The following MORC3 variants were observed in gnomAD, a reference collection of about 807,000 sequenced individuals.
MORC3 encodes the protein MORC family CW-type zinc finger 3, also known as MORC family CW-type zinc finger protein 3.
Under a neutral mutation model 109.1 loss-of-function variants are expected in MORC3, and 31 were observed. The observed-to-expected ratio is 0.28, with a 90% CI of 0.21 to 0.38. The LOEUF (loss-of-function observed/expected upper bound fraction) is 0.38, where lower values mean the gene tolerates loss of function less well. Among genes scored for constraint, MORC3 ranks in the 10% least tolerant of loss-of-function variants. MORC3 has a pLI of 1.00. For synonymous variants in MORC3, 395 were observed against 380.7 expected, an observed-to-expected ratio of 1.04 and a Z score of -0.44; for missense variants, 867 against 1,135.8, an observed-to-expected ratio of 0.76 and a Z score of 3.40.
At chr21:36,374,329 G>T (rs953708218) in intron 16 of MORC3, among the ~76,000 whole-genome samples, 1 of 152,060 alleles carries the variant, frequency 6.6e-6, no homozygotes, top group Non-Finnish European at 1.5e-5. Flanking sequence ...GACCTCAGGC[G>T]ATCTGCCCGC....
rs2085920257 is a variant in MORC3 at position 36,375,488 on chromosome 21, T to C, written c.*192T>C. ...TCTTATGTTTTGAAATACCTGTGAATTGTTGGCATTGAGCAGCTGAAGCTA... is the reference window on the plus strand; with the variant it reads ...TCTTATGTTTTGAAATACCTGTGAACTGTTGGCATTGAGCAGCTGAAGCTA... On this transcript the variant is annotated 3_prime_UTR_variant, in exon 17 of 17. Coordinates refer to ENST00000400485, the MANE Select transcript of MORC3 (RefSeq NM_015358.3). 2 of 497,218 alleles carry C rather than the reference T, an allele frequency of 4.0e-6. No homozygotes were observed. Among genetic ancestry groups the C allele is most frequent in the Non-Finnish European group, 7.0e-6 (2 of 287,028 alleles). The allele number at this position is 497,218 out of a possible 1,614,324, so 30.8% of individuals were successfully genotyped here.
At chr21:36,357,575 C>T (rs1323817545) in intron 10 of MORC3, among the ~76,000 whole-genome samples, 1 of 151,234 alleles carries the variant, frequency 6.6e-6, no homozygotes, top group African/African-American at 2.4e-5. Context: ...TGTCAGTATA[C>T]ACATGCATAC....
intron 1 of MORC3, among the ~76,000 whole-genome samples, chr21:36,330,591 C>G (rs2085304013): frequency 6.6e-6 from 1 of 152,226 alleles, no homozygotes; most frequent in African/African-American, 2.4e-5. Context: ...AGGGCTGTGT[C>G]ATGGGCCATG....
chr21:36,333,552 T>C (rs1043093907), intron 1 of MORC3, 94 bp from the exon 2 acceptor site: 6 of 977,032 alleles, frequency 6.1e-6, no homozygotes, highest in Non-Finnish European at 8.1e-6. Context: ...TTTTGTTTGG[T>C]CTCAATGTTG....
chr21:36,362,263 A>G (rs758156990), intron 13 of MORC3, 35 bp downstream of exon 13: 2 of 1,528,702 alleles, frequency 1.3e-6, no homozygotes, highest in South Asian at 2.3e-5. Context: ...TTTTTTTTAA[A>G]TAGAGATGGG....
chr21:36,353,413 G>A (rs188643949), intron 9 of MORC3, among the ~76,000 whole-genome samples: 2 of 150,680 alleles, frequency 1.3e-5, no homozygotes, highest in African/African-American at 2.4e-5. Context: ...AGGCCGGTGC[G>A]GTGGCTCACA....
At chr21:36,321,487 G>A (rs2085192983) in intron 1 of MORC3, among the ~76,000 whole-genome samples, 1 of 151,310 alleles carries the variant, frequency 6.6e-6, no homozygotes, top group Non-Finnish European at 1.5e-5. Context: ...TATGTAACTA[G>A]CTTATTGAGT....
intron 5 of MORC3, among the ~76,000 whole-genome samples, chr21:36,339,869 A>T (rs2085420691): frequency 6.6e-6 from 1 of 152,132 alleles, no homozygotes; most frequent in African/African-American, 2.4e-5. Context: ...CTTCTCCTGG[A>T]GGATTTTTTC....
At position 36,376,629 on chromosome 21, in the gene MORC3, C is replaced by T. The variant is rs549394725; in HGVS notation, c.*1333C>T. The stretch of plus-strand genomic sequence containing the variant: ...ATAATAAAATAAAAATATATGATGG[C>T]TAACTGTTCAAATGCTACTTTTAAA... On this transcript the variant is annotated 3_prime_UTR_variant, in exon 17 of 17. Coordinates refer to ENST00000400485, the MANE Select transcript of MORC3 (RefSeq NM_015358.3). 2 of 152,194 alleles carry T rather than the reference C, an allele frequency of 1.3e-5. No individual in the cohort carries two copies. Among genetic ancestry groups the T allele is most frequent in the South Asian group, 4.2e-4 (2 of 4,814 alleles). The allele number at this position is 152,194 out of a possible 1,614,324, so 9.4% of individuals were successfully genotyped here.
rs555074532 is a variant in MORC3, at chr21:36,340,701, A to G, written c.609-698A>G. 3.6e-4 allele frequency among the ~76,000 whole-genome samples: 50 copies of G among 138,028 alleles called. No homozygotes were observed. The South Asian group carries it at 0.011, about 31-fold the overall frequency. 90.6% of individuals were successfully genotyped at this position (138,028 alleles called of 152,430 possible). On this transcript the variant is annotated intron_variant, in intron 5 of 16. Coordinates refer to ENST00000400485, the MANE Select transcript of MORC3 (RefSeq NM_015358.3). ...CCAGGGTGGAGTGAAGTATAGCGCC[A>G]TCTCGGCTCACTGCAACCTCCGCCC...
In MORC3 at chr21:36,324,317, G is replaced by C. The variant is rs560362844; in HGVS notation, c.39+4014G>C. On this transcript the variant is annotated intron_variant, in intron 1 of 16. Coordinates refer to ENST00000400485, the MANE Select transcript of MORC3 (RefSeq NM_015358.3). ...TGAGATGGAGTCTTCTCGCTCTGTC[G>C]TCCAGGCTGGAGTGCAGTGGCGCGA... Among the ~76,000 whole-genome samples the C allele has an allele frequency of 8.1e-5, 12 of 148,534 alleles. No homozygotes were observed. In the South Asian group the frequency reaches 2.3e-3, roughly 29 times the overall value.
At chr21:36,355,995 T>C (rs2085640891) in intron 9 of MORC3, among the ~76,000 whole-genome samples, 3 of 152,184 alleles carry the variant, frequency 2.0e-5, no homozygotes, top group Non-Finnish European at 4.4e-5. Context: ...TAAACGATTT[T>C]TACTGCAATA....
Position 36,369,187 on chromosome 21 carries a change from G to C in MORC3, c.1819G>C (p.Gly607Arg), listed in dbSNP as rs777854842. 1.9e-5 allele frequency: 31 copies of C among 1,614,026 alleles called. No homozygotes were observed. Among genetic ancestry groups the C allele is most frequent in the Non-Finnish European group, 2.5e-5 (30 of 1,180,036 alleles). Residue 607 changes from glycine to arginine, a missense_variant, in exon 15 of 17, where the codon GGT becomes CGT. Gly to Arg is a moderately radical substitution (Grantham distance 125). Transcript: ENST00000400485. ...AGAACAGAGTCACGTTGAGCAAGGT[G>C]GTGTTCAGGTTGAGTTTGTGGGTGA... ...KSEQSHVEQG[G>R]VQVEFVGDSE...
chr21:36,327,969 T>C (rs1038607774), intron 1 of MORC3, among the ~76,000 whole-genome samples: 4 of 151,880 alleles, frequency 2.6e-5, no homozygotes, highest in Non-Finnish European at 5.9e-5. Flanking sequence ...CTCTGCCTCC[T>C]GGGTTCAAGT....
intron 10 of MORC3, among the ~76,000 whole-genome samples, chr21:36,358,924 C>T (rs1007053645): frequency 9.9e-5 from 15 of 152,112 alleles, no homozygotes; most frequent in African/African-American, 3.4e-4. Context: ...CATGATCCAC[C>T]CGCGTCAGCC....
chr21:36,351,643 G>T (rs917585331), intron 9 of MORC3, among the ~76,000 whole-genome samples: 3 of 152,122 alleles, frequency 2.0e-5, no homozygotes, highest in Non-Finnish European at 4.4e-5. Flanking sequence ...ATATCCCATT[G>T]TGTGTATGTA....
intron 6 of MORC3, among the ~76,000 whole-genome samples, chr21:36,342,061 C>T (rs950719825): frequency 2.0e-5 from 3 of 152,090 alleles, no homozygotes; most frequent in African/African-American, 7.2e-5. Flanking sequence ...AACTCCGTCT[C>T]TACTAAAAAT....
chr21:36,370,633 A>ATTTTTTTTTTTT (rs2085848041), intron 15 of MORC3, among the ~76,000 whole-genome samples: 1 of 46,480 alleles, frequency 2.2e-5, no homozygotes, highest in Non-Finnish European at 3.8e-5. Context: ...ATATATATAT[A>ATTTTTTTTTTTT]TATATATTTT....
chr21:36,345,088 AAT>A, intron 8 of MORC3, 57 bp downstream of exon 8: 1 of 1,484,804 alleles, frequency 6.7e-7, no homozygotes, highest in Non-Finnish European at 9.1e-7. Context: ...AAGTTAGGAT[AAT>A]ATATGCTCTT....
Sources: gnomAD v4.1 joint callset for allele counts (sites outside exome capture counted in the v4.1 genomes callset) on GRCh38, gnomAD v4.1.1 for gene constraint, MANE v1.5 for transcripts, NCBI Gene and HGNC (gene_info 2026-07-23, HGNC 2026-07-21) for gene names.